The following BCAS3 variants were observed in gnomAD, a reference collection of about 807,000 sequenced individuals.
The protein encoded by BCAS3 is BCAS4/BCAS3 fusion.
Under a neutral mutation model 116.1 loss-of-function variants are expected in BCAS3, and 53 were observed. The ratio of observed to expected loss-of-function variants is 0.46; its 90% CI spans 0.37 to 0.57. BCAS3 has a LOEUF of 0.57. Ranked by LOEUF, BCAS3 falls within the 20% of genes least tolerant of loss-of-function variation. BCAS3 has a pLI of 0.00. For synonymous variants in BCAS3, 391 were observed against 408.2 expected, an observed-to-expected ratio of 0.96 and a Z score of 0.51; for missense variants, 917 against 1,165.4, an observed-to-expected ratio of 0.79 and a Z score of 3.10.
At chr17:61,236,489 T>C (rs1251140524) in intron 22 of BCAS3, among the ~76,000 whole-genome samples, 4 of 152,030 alleles carry the variant, frequency 2.6e-5, no homozygotes, top group East Asian at 3.9e-4. Context: ...CTGGCTAATT[T>C]TTTTGTATTT....
At chr17:60,872,008 C>G (rs1004329292) in intron 8 of BCAS3, among the ~76,000 whole-genome samples, 4 of 151,864 alleles carry the variant, frequency 2.6e-5, no homozygotes, top group Non-Finnish European at 5.9e-5. Context: ...CCTTTATGAA[C>G]CATCCTTTGT....
chr17:60,802,098 A>G (rs1467774300), intron 6 of BCAS3, among the ~76,000 whole-genome samples: 2 of 151,876 alleles, frequency 1.3e-5, no homozygotes, highest in Non-Finnish European at 2.9e-5. Context: ...ACCTGAGGTC[A>G]GGAGTTTGAG....
chr17:60,747,200 C>G lies in BCAS3; in HGVS notation c.324C>G (p.Ile108Met). Residue 108 changes from isoleucine (I) to methionine (M), a missense_variant and splice_region_variant, in exon 6 of 24, where the codon ATC becomes ATG. By Grantham distance (10) the Ile-to-Met change is conservative. This residue lies in a region of BCAS3 where 807 missense variants were observed against 1,026.0 expected (regional missense o/e 0.79). Coordinates refer to ENST00000407086, the MANE Select transcript of BCAS3 (RefSeq NM_017679.5). ...SDGMQVWSIPISGEAQELFSV... is the reference protein window; with the variant it reads ...SDGMQVWSIPMSGEAQELFSV... ...ATTTTCTTTCTTCTCTTATGCAGAT[C>G]AGTGGTGAAGCACAAGAGCTCTTCT... 1 of 1,609,146 alleles carries G rather than the reference C, an allele frequency of 6.2e-7. No individual in the cohort carries two copies. Among genetic ancestry groups the G allele is most frequent in the Non-Finnish European group, 8.5e-7 (1 of 1,175,740 alleles).
intron 13 of BCAS3, 128 bp downstream of exon 13, chr17:60,924,628 A>G (rs1332401787): frequency 1.3e-5 from 8 of 596,716 alleles, no homozygotes; most frequent in Non-Finnish European, 2.0e-5. Flanking sequence ...AAAAGTTATT[A>G]AGTCATTATA....
At position 60,956,018 on chromosome 17, in the gene BCAS3, T is replaced by C. The variant is rs916862740; in HGVS notation, c.1221+8666T>C. 2.0e-5 allele frequency among the ~76,000 whole-genome samples: 3 copies of C among 152,232 alleles called. No homozygotes were observed. Among genetic ancestry groups the C allele is most frequent in the Admixed American group, 6.5e-5 (1 of 15,284 alleles). On this transcript the variant is annotated intron_variant, in intron 14 of 23. Transcript: ENST00000407086. The surrounding 1 kb of genome is among the most constrained non-coding windows in gnomAD (Gnocchi z 4.2). ...CTGTGCAGTTACTCTTTTGTACTTA[T>C]AAAAATTTACAAGGTTTTTGGGGCA...
chr17:61,051,070 A>G lies in BCAS3; in HGVS notation c.2029+10178A>G, dbSNP rs988512714. ...AAAGGGAATTAAGAAATTATTTTTG[A>G]CTGAATGAGATTGAAATCAGATATA... On this transcript the variant is annotated intron_variant, in intron 19 of 23. Transcript: ENST00000407086. This position sits in a 1 kb window ranked among gnomAD's most constrained non-coding sequence, Gnocchi z 4.1. Among the ~76,000 whole-genome samples the G allele has an allele frequency of 6.6e-6, 1 of 152,032 alleles. No homozygotes were observed. The highest frequency in any genetic ancestry group is 2.4e-5 in the African/African-American group (1 of 41,440).
intron 23 of BCAS3, among the ~76,000 whole-genome samples, chr17:61,386,185 A>G (rs1001959185): frequency 2.6e-5 from 4 of 152,216 alleles, no homozygotes; most frequent in African/African-American, 9.6e-5. Flanking sequence ...TGAGGCACAA[A>G]GATTCGAGTA....
intron 22 of BCAS3, among the ~76,000 whole-genome samples, chr17:61,137,142 TA>T (rs1386249621): frequency 2.0e-5 from 3 of 152,200 alleles, no homozygotes; most frequent in African/African-American, 7.2e-5. Context: ...ATGCCAAATA[TA>T]TATATCTTAT....
rs1321155364 is a variant in BCAS3, at chr17:61,226,387, G to A, written c.2425+141823G>A. ...ATTATATTAACAGTTTTTCTTTTTT[G>A]TATAGTTGAAGAAAGAATTAAGACA... On this transcript the variant is annotated intron_variant, in intron 22 of 23. Transcript: ENST00000407086. This position sits in a 1 kb window ranked among gnomAD's most constrained non-coding sequence, Gnocchi z 6.0. 1.3e-5 allele frequency among the ~76,000 whole-genome samples: 2 copies of A among 152,050 alleles called. No individual in the cohort carries two copies. Among genetic ancestry groups the A allele is most frequent in the African/African-American group, 4.8e-5 (2 of 41,408 alleles).
intron 7 of BCAS3, chr17:60,811,350 A>T: frequency 1.5e-6 from 1 of 655,452 alleles, no homozygotes; most frequent in South Asian, 1.4e-5. Flanking sequence ...AGTCTTGGTG[A>T]TACCCCAGAC....
intron 6 of BCAS3, among the ~76,000 whole-genome samples, chr17:60,763,365 G>T (rs1301640668): frequency 6.6e-6 from 1 of 151,942 alleles, no homozygotes; most frequent in African/African-American, 2.4e-5. Context: ...TTTGAGATAC[G>T]TTCCATCATT....
rs139091748 is a variant in BCAS3 at position 61,261,497 on chromosome 17, C to G, written c.2426-106830C>G. 2.8e-4 allele frequency among the ~76,000 whole-genome samples: 43 copies of G among 152,294 alleles called. No individual in the cohort carries two copies. In the East Asian group the frequency reaches 7.5e-3, roughly 27 times the overall value. Reference sequence around the variant, plus strand: ...CCACACTGTAGCATTTTGTCCACATCTGTTTTCCAACCTCATTACTCTTCT... The same window carrying G: ...CCACACTGTAGCATTTTGTCCACATGTGTTTTCCAACCTCATTACTCTTCT... On this transcript the variant is annotated intron_variant, in intron 22 of 23. Transcript: ENST00000407086. The surrounding 1 kb of genome is among the most constrained non-coding windows in gnomAD (Gnocchi z 4.4).
chr17:61,391,588 C>A lies in BCAS3; in HGVS notation c.2594-389C>A, dbSNP rs577597164. On this transcript the variant is annotated intron_variant, in intron 23 of 23. Transcript: ENST00000407086. The surrounding 1 kb of genome is among the most constrained non-coding windows in gnomAD (Gnocchi z 7.7). ...CCTAGCTTCTCCCCGCCTGCCTCCC[C>A]TGTAGAGCCGGGACAGAAGGCACTG... is the stretch of plus-strand genomic sequence containing the variant. 8 of 180,014 alleles carry A rather than the reference C, an allele frequency of 4.4e-5. No homozygotes were observed. In the East Asian group the frequency reaches 8.3e-4, roughly 19 times the overall value. 11.2% of individuals were successfully genotyped at this position (180,014 alleles called of 1,614,324 possible). A position where few individuals can be genotyped will look rare whatever the true frequency, so the allele number is the denominator to read the frequency against.
chr17:61,079,748 A>C (rs1056251528), intron 21 of BCAS3, among the ~76,000 whole-genome samples: 2 of 151,976 alleles, frequency 1.3e-5, no homozygotes, highest in African/African-American at 4.8e-5. Context: ...GGCGCCCGCC[A>C]CCAGACCCAG....
At chr17:60,902,392 T>C (rs2057951922) in intron 10 of BCAS3, among the ~76,000 whole-genome samples, 1 of 152,198 alleles carries the variant, frequency 6.6e-6, no homozygotes, top group African/African-American at 2.4e-5. Flanking sequence ...CTTCTTGTAA[T>C]GAAAACCGTA....
rs561823761 is a variant in BCAS3, at chr17:61,344,121, A to G, written c.2426-24206A>G. On this transcript the variant is annotated intron_variant, in intron 22 of 23. Transcript: ENST00000407086. This position sits in a 1 kb window ranked among gnomAD's most constrained non-coding sequence, Gnocchi z 4.1. ...GGCTAAGGATGCCGGCTAGCCCCCA[A>G]TCCCAGAGAGCATGCAGCTGAGTCT... Among the ~76,000 whole-genome samples the G allele has an allele frequency of 1.6e-4, 24 of 152,192 alleles. No individual in the cohort carries two copies. Among genetic ancestry groups the G allele is most frequent in the African/African-American group, 5.5e-4 (23 of 41,526 alleles).
intron 7 of BCAS3, among the ~76,000 whole-genome samples, chr17:60,820,033 A>G (rs1011120795): frequency 1.3e-5 from 2 of 151,946 alleles, no homozygotes; most frequent in African/African-American, 4.8e-5. Context: ...GGATGGATTT[A>G]GCCTATCTTC....
At chr17:60,980,370 C>A (rs1330138481) in intron 14 of BCAS3, among the ~76,000 whole-genome samples, 1 of 151,960 alleles carries the variant, frequency 6.6e-6, no homozygotes, top group South Asian at 2.1e-4. Flanking sequence ...ATTTGCATGT[C>A]CTTAATGACT....
chr17:60,752,590 A>AT (rs1489794101), intron 6 of BCAS3, among the ~76,000 whole-genome samples: 2 of 151,690 alleles, frequency 1.3e-5, no homozygotes, highest in Non-Finnish European at 2.9e-5. Context: ...TGCCTGGCTA[A>AT]TTTTTTGTAT....
Sources: allele counts gnomAD v4.1 joint callset (sites outside exome capture counted in the v4.1 genomes callset), GRCh38; gene constraint gnomAD v4.1.1; regional missense constraint gnomAD v4.1.1; non-coding constraint Gnocchi (gnomAD v3.1); transcripts MANE v1.5; gene names NCBI Gene and HGNC (gene_info 2026-07-23, HGNC 2026-07-21).